MAF1: variants seen among roughly 807,000 people sequenced by gnomAD.
MAF1 encodes the protein MAF1 negative regulator of RNA polymerase III, also known as repressor of RNA polymerase III transcription MAF1 homolog.
A neutral mutation model predicts 31.9 loss-of-function variants in MAF1; 7 were observed. That is an observed-to-expected ratio of 0.22 (90% confidence interval 0.12 to 0.41). The LOEUF (loss-of-function observed/expected upper bound fraction) is 0.41, where lower values mean the gene tolerates loss of function less well. Ranked by LOEUF, MAF1 falls within the 10% of genes least tolerant of loss-of-function variation. The probability of loss-of-function intolerance (pLI) is 1.00; values close to 1 mark genes in which losing one functional copy is unlikely to be tolerated. For missense variants in MAF1, 221 were observed against 323.1 expected, an observed-to-expected ratio of 0.68 and a Z score of 2.42; for synonymous variants, 157 against 120.0, an observed-to-expected ratio of 1.31 and a Z score of -2.02.
chr8:144,106,570 G>A lies in MAF1; in HGVS notation c.516G>A (p.Leu172=). 1 of 1,613,902 alleles carries A rather than the reference G, an allele frequency of 6.2e-7. No individual in the cohort carries two copies. Among genetic ancestry groups the A allele is most frequent in the Non-Finnish European group, 8.5e-7 (1 of 1,180,022 alleles). ...TACTCCCCAGCTATAACCCAGACTT[G>A]GACTCAGATCCCTTCGGGGAGGATG... ...ECDIYSYNPD[L]DSDPFGEDGS... The change falls in exon 6 of 8, where the codon TTG becomes TTA. Residue 172 remains leucine (L), a synonymous_variant. Coordinates refer to ENST00000322428, the MANE Select transcript of MAF1 (RefSeq NM_032272.5).
In MAF1 at chr8:144,105,550, C is replaced by G. The variant is rs190317757; in HGVS notation, c.-44-90C>G. 113 of 729,768 alleles carry G rather than the reference C, an allele frequency of 1.5e-4. 1 individual carries two copies. In the African/African-American group the frequency reaches 1.8e-3, roughly 12 times the overall value. 45.2% of individuals were successfully genotyped at this position (729,768 alleles called of 1,614,324 possible). ...GGACAGAGGCCAGACTCAGCTTGTTCCTAGCGGCTCCACTTAGTGGGTAGG... is the reference window on the plus strand; with the variant it reads ...GGACAGAGGCCAGACTCAGCTTGTTGCTAGCGGCTCCACTTAGTGGGTAGG... On this transcript the variant is annotated intron_variant, in intron 1 of 7. Coordinates refer to ENST00000322428, the MANE Select transcript of MAF1 (RefSeq NM_032272.5).
chr8:144,107,245 T>C lies in MAF1; in HGVS notation c.*136T>C. The C allele has an allele frequency of 2.6e-6, 3 of 1,142,924 alleles. No individual in the cohort carries two copies. The highest frequency in any genetic ancestry group is 3.8e-6 in the Non-Finnish European group (3 of 780,500). The allele number at this position is 1,142,924 out of a possible 1,614,324, so 70.8% of individuals were successfully genotyped here. ...ACAGTCCTGGCACTGCCCAAGGCCATACCTGCCTAGCCCTTTGGCTCCATC... is the reference window on the plus strand; with the variant it reads ...ACAGTCCTGGCACTGCCCAAGGCCACACCTGCCTAGCCCTTTGGCTCCATC... On this transcript the variant is annotated 3_prime_UTR_variant, in exon 8 of 8. Transcript: ENST00000322428.
chr8:144,107,051 G>A, intron 7 of MAF1, 37 bp from the exon 8 acceptor site: 1 of 1,569,460 alleles, frequency 6.4e-7, no homozygotes, highest in Non-Finnish European at 8.6e-7. Context: ...CTAAGTGGTG[G>A]CTCCTGAAGG....
chr8:144,105,116 A>G (rs1268471087), intron 1 of MAF1: 1 of 153,878 alleles, frequency 6.5e-6, no homozygotes, highest in Non-Finnish European at 1.4e-5. Context: ...TCCCCGGGCC[A>G]GAAAGTAGCC....
In MAF1 at chr8:144,106,157, C is replaced by T. The variant is rs750797394; in HGVS notation, c.294C>T (p.Ala98=). The change falls in exon 4 of 8, where the codon GCC becomes GCT. Residue 98 remains alanine (A), a synonymous_variant. Coordinates refer to ENST00000322428, the MANE Select transcript of MAF1 (RefSeq NM_032272.5). ...CSRKTLFYLI[A]TLNESFRPDY... ...GCAAGACCCTCTTCTACCTGATTGC[C>T]ACGCTCAATGAGTCCTTCAGGCCTG... 7.4e-6 allele frequency: 12 copies of T among 1,613,844 alleles called. No homozygotes were observed. The highest frequency in any genetic ancestry group is 1.3e-5 in the African/African-American group (1 of 75,064).
In MAF1 at chr8:144,107,252, C is replaced by G. The variant is rs1836433772; in HGVS notation, c.*143C>G. The G allele has an allele frequency of 1.8e-6, 2 of 1,098,586 alleles. No individual in the cohort carries two copies. Among genetic ancestry groups the G allele is most frequent in the Non-Finnish European group, 1.3e-6 (1 of 743,090 alleles). The allele number at this position is 1,098,586 out of a possible 1,614,324, so 68.1% of individuals were successfully genotyped here. On this transcript the variant is annotated 3_prime_UTR_variant, in exon 8 of 8. Coordinates refer to ENST00000322428, the MANE Select transcript of MAF1 (RefSeq NM_032272.5). ...TGGCACTGCCCAAGGCCATACCTGC[C>G]TAGCCCTTTGGCTCCATCCTGTGGA...
chr8:144,106,354 A>C lies in MAF1; in HGVS notation c.390A>C (p.Ala130=), dbSNP rs774129056. The C allele has an allele frequency of 1.2e-6, 2 of 1,613,728 alleles. No individual in the cohort carries two copies. The highest frequency in any genetic ancestry group is 1.7e-5 in the Admixed American group (1 of 60,002). Residue 130 remains alanine (A), a synonymous_variant, in exon 5 of 8, where the codon GCA becomes GCC. Coordinates refer to ENST00000322428, the MANE Select transcript of MAF1 (RefSeq NM_032272.5). ...REPSLSWVVN[A]VNCSLFSAVR... The stretch of plus-strand genomic sequence containing the variant: ...GTGACCTGCCCTAGGTGGTGAATGC[A>C]GTCAACTGCAGTCTGTTCTCAGCTG...
chr8:144,104,500 T>C lies in MAF1; in HGVS notation c.-403T>C, dbSNP rs1836368149. 2 of 151,962 alleles carry C rather than the reference T, an allele frequency of 1.3e-5. No individual in the cohort carries two copies. Among genetic ancestry groups the C allele is most frequent in the Non-Finnish European group, 2.9e-5 (2 of 67,984 alleles). 9.4% of individuals were successfully genotyped at this position (151,962 alleles called of 1,614,324 possible). A position where few individuals can be genotyped will look rare whatever the true frequency, so the allele number is the denominator to read the frequency against. ...GGCCGGGCCCGGCGGACGCTTGTTG[T>C]TGTCCGGCCGGGGGAGGCGGAGGTC... On this transcript the variant is annotated 5_prime_UTR_variant, in exon 1 of 8. Coordinates refer to ENST00000322428, the MANE Select transcript of MAF1 (RefSeq NM_032272.5).
At chr8:144,105,592 C>T in intron 1 of MAF1, 48 bp from the exon 2 acceptor site, 1 of 1,182,448 alleles carries the variant, frequency 8.5e-7, no homozygotes, top group Non-Finnish European at 1.2e-6. Context: ...GAAGGCAGGG[C>T]CCCAAGGGGC....
chr8:144,106,825 C>T lies in MAF1; in HGVS notation c.621-10C>T, dbSNP rs1169413077. ...GGGGTCCTGAAACTGGTTTCCCTGCCTCCCCTCAGTGGCTCCACCTACACA... is the reference window on the plus strand; with the variant it reads ...GGGGTCCTGAAACTGGTTTCCCTGCTTCCCCTCAGTGGCTCCACCTACACA... On this transcript the variant is annotated splice_polypyrimidine_tract_variant and intron_variant, in intron 6 of 7. Transcript: ENST00000322428. 6.5e-7 allele frequency: 1 copy of T among 1,535,788 alleles called. No individual in the cohort carries two copies. The highest frequency in any genetic ancestry group is 1.4e-5 in the African/African-American group (1 of 72,506).
Position 144,106,848 on chromosome 8 carries a change from A to C in MAF1, c.634A>C (p.Thr212Pro). The C allele has an allele frequency of 6.5e-7, 1 of 1,533,578 alleles. No individual in the cohort carries two copies. The highest frequency in any genetic ancestry group is 8.8e-7 in the Non-Finnish European group (1 of 1,142,564). The allele number at this position is 1,533,578 out of a possible 1,614,324, so 95.0% of individuals were successfully genotyped here. The change falls in exon 7 of 8, where the codon ACA becomes CCA. Residue 212 changes from threonine (T) to proline (P), a missense_variant. By Grantham distance (38) the Thr-to-Pro change is conservative. Coordinates refer to ENST00000322428, the MANE Select transcript of MAF1 (RefSeq NM_032272.5). ...SCRSISGSTY[T>P]PSEAGNELDM... is the part of the protein sequence containing the mutation. Reference sequence around the variant, plus strand: ...GCCTCCCCTCAGTGGCTCCACCTACACACCCTCAGAGGCAGGCAACGAGCT... The same window carrying C: ...GCCTCCCCTCAGTGGCTCCACCTACCCACCCTCAGAGGCAGGCAACGAGCT...
At chr8:144,106,756 C>A (rs1836422324) in intron 6 of MAF1, 79 bp from the exon 7 acceptor site, 3 of 1,573,684 alleles carry the variant, frequency 1.9e-6, no homozygotes, top group Non-Finnish European at 2.6e-6. Flanking sequence ...CCCAGCTTTG[C>A]CCTCCCTGAA....
chr8:144,106,241 G>A lies in MAF1; in HGVS notation c.378G>A (p.Trp126Ter). Residue 126 changes from tryptophan (W) to a stop codon, truncating the protein, a stop_gained and splice_region_variant, in exon 4 of 8, where the codon TGG becomes TGA. Transcript: ENST00000322428. LOFTEE classifies it high-confidence loss of function. ...TCAGCCGGGAGCCCAGCCTTAGCTG[G>A]GTGAGGGTCAGGTGGAGGGAAGGGA... The part of the protein sequence containing the change: ...HEFSREPSLS[W>*]VVNAVNCSLF... 2 of 1,613,696 alleles carry A rather than the reference G, an allele frequency of 1.2e-6. No homozygotes were observed.
chr8:144,105,577 G>A (rs958673194), intron 1 of MAF1, 63 bp from the exon 2 acceptor site: 19 of 974,608 alleles, frequency 1.9e-5, no homozygotes, highest in Non-Finnish European at 2.9e-5. Context: ...GTGGGTAGGA[G>A]GGCTGAAGGC....
Position 144,107,374 on chromosome 8 carries a change from T to G in MAF1, c.*265T>G. On this transcript the variant is annotated 3_prime_UTR_variant, in exon 8 of 8. Transcript: ENST00000322428. ...GAGCGACTGCCCTGCCCAAATGAAC[T>G]GCCACAGCAGGGACAGCTGGACCGC... is the stretch of plus-strand genomic sequence containing the variant. The G allele has an allele frequency of 1.7e-6, 1 of 596,922 alleles. No homozygotes were observed. Among genetic ancestry groups the G allele is most frequent in the Non-Finnish European group, 3.0e-6 (1 of 333,994 alleles). The allele number at this position is 596,922 out of a possible 1,614,324, so 37.0% of individuals were successfully genotyped here.
rs199738987 is a variant in MAF1 at position 144,105,770 on chromosome 8, A to T, written c.83+4A>T. ...GAGATGCCCACATCATTGGCAGGTG[A>T]GGCAGGCTGGGGGGGCTGGCATCTC... is the stretch of plus-strand genomic sequence containing the variant. On this transcript the variant is annotated splice_donor_region_variant and intron_variant, in intron 2 of 7. Transcript: ENST00000322428. The T allele has an allele frequency of 2.6e-3, 4,113 of 1,612,510 alleles. 8 individuals are homozygous for T. Among genetic ancestry groups the T allele is most frequent in the Non-Finnish European group, 3.2e-3 (3,792 of 1,179,846 alleles).
rs139701481 is a variant in MAF1 at position 144,105,722 on chromosome 8, C to T, written c.39C>T (p.Asn13=). The change falls in exon 2 of 8, where the codon AAC becomes AAT. Residue 13 remains asparagine, a synonymous_variant. Coordinates refer to ENST00000322428, the MANE Select transcript of MAF1 (RefSeq NM_032272.5). ...LLENSSFEAI[N]SQLTVETGDA... ...AGAACTCGAGCTTTGAAGCCATCAA[C>T]TCACAGCTGACTGTGGAGACTGGAG... 9 of 1,613,306 alleles carry T rather than the reference C, an allele frequency of 5.6e-6. No individual in the cohort carries two copies. The African/African-American group carries it at 1.1e-4, about 19-fold the overall frequency.
At position 144,106,686 on chromosome 8, in the gene MAF1, C is replaced by T. The variant is rs758317184; in HGVS notation, c.620+12C>T. ...TGCCGTTCCATCAGGTGGGCACCCC[C>T]CGCCTCCTCCCCCACCTCCCTGTTG... On this transcript the variant is annotated intron_variant, in intron 6 of 7. Transcript: ENST00000322428. 1.2e-6 allele frequency: 2 copies of T among 1,609,614 alleles called. No homozygotes were observed. The highest frequency in any genetic ancestry group is 1.7e-6 in the Non-Finnish European group (2 of 1,177,172).
Position 144,106,260 on chromosome 8 carries a change from G to C in MAF1, c.378+19G>C. The C allele has an allele frequency of 6.2e-7, 1 of 1,613,510 alleles. No homozygotes were observed. The highest frequency in any genetic ancestry group is 8.5e-7 in the Non-Finnish European group (1 of 1,179,886). On this transcript the variant is annotated intron_variant, in intron 4 of 7. Transcript: ENST00000322428. The stretch of plus-strand genomic sequence containing the variant: ...TAGCTGGGTGAGGGTCAGGTGGAGG[G>C]AAGGGACCCACAGCCACCCCACTGT...
Sources: gnomAD v4.1 joint callset for allele counts on GRCh38, gnomAD v4.1.1 for gene constraint, MANE v1.5 for transcripts, NCBI Gene and HGNC (gene_info 2026-07-23, HGNC 2026-07-21) for gene names.